Variants in ZBP1 observed in about 807,000 individuals in gnomAD.
ZBP1 encodes the protein Z-DNA binding protein 1.
A neutral mutation model predicts 41.1 loss-of-function variants in ZBP1; 42 were observed. That is an observed-to-expected ratio of 1.02 (90% CI 0.80 to 1.32). The LOEUF is 1.32. Among genes scored for constraint, ZBP1 ranks in the 40% most tolerant of loss-of-function variants. The pLI, the probability that ZBP1 is intolerant of heterozygous loss-of-function variation, is 0.00. For missense variants in ZBP1, 562 were observed against 549.7 expected (o/e 1.02, Z -0.22); for synonymous variants, 214 against 205.2 (o/e 1.04, Z -0.37).
In ZBP1 at chr20:57,616,231, G is replaced by A. The variant is rs748497452; in HGVS notation, c.259+13C>T. The A allele has an allele frequency of 4.4e-5, 71 of 1,613,620 alleles. No homozygotes were observed. Among genetic ancestry groups the A allele is most frequent in the Non-Finnish European group, 5.3e-5 (62 of 1,179,652 alleles). ...CTGCAGGGTCAGACCCGCCTCCCCG[G>A]GGTGGCAGTTACCAGGGCTGGACAA... On this transcript the variant is annotated intron_variant, in intron 2 of 7. Coordinates refer to ENST00000371173, the MANE Select transcript of ZBP1 (RefSeq NM_030776.3).
rs866051649 is a variant in ZBP1 at position 57,620,247 on chromosome 20, G to A, written c.34+15C>T. 4 of 1,584,756 alleles carry A rather than the reference G, an allele frequency of 2.5e-6. No homozygotes were observed. Among genetic ancestry groups the A allele is most frequent in the South Asian group, 1.2e-5 (1 of 86,780 alleles). ...GGGAGCTACCGCTGGTCCTTGGAAG[G>A]AAGAAGTACTGTACCTTCTCTGCCC... On this transcript the variant is annotated intron_variant, in intron 1 of 7. Transcript: ENST00000371173.
chr20:57,616,212 G>C (rs749996874), intron 2 of ZBP1, 32 bp downstream of exon 2: 5 of 1,604,926 alleles, frequency 3.1e-6, no homozygotes, highest in Non-Finnish European at 4.3e-6. Flanking sequence ...CTCCCTGCAG[G>C]GTCAGACCCG....
rs760460815 is a variant in ZBP1 at position 57,616,268 on chromosome 20, C to T, written c.235G>A (p.Ala79Thr). 5.6e-6 allele frequency: 9 copies of T among 1,613,988 alleles called. No homozygotes were observed. In the African/African-American group the frequency reaches 8.0e-5, roughly 14 times the overall value. ...GGTDPEGEGP[A>T]ELALSSPAER... ...CCAGGGCTGGACAAGGCCAGCTCTGCAGGACCCTCGCCTTCAGGATCAGTC... is the reference window on the plus strand; with the variant it reads ...CCAGGGCTGGACAAGGCCAGCTCTGTAGGACCCTCGCCTTCAGGATCAGTC... Residue 79 changes from alanine (A) to threonine (T), a missense_variant, in exon 2 of 8, where the codon GCA becomes ACA. Coordinates refer to ENST00000371173, the MANE Select transcript of ZBP1 (RefSeq NM_030776.3).
intron 3 of ZBP1, 90 bp from the exon 4 acceptor site, chr20:57,615,150 C>A (rs2070783802): frequency 1.4e-6 from 2 of 1,390,382 alleles, no homozygotes; most frequent in South Asian, 1.3e-5. Flanking sequence ...CTGGACCCAG[C>A]CCCTCAAGGC....
rs369785198 is a variant in ZBP1 at position 57,614,972 on chromosome 20, A to C, written c.417T>G (p.Asp139Glu). ...AQALGMRTAK[D>E]VNRDLYRMKS... The stretch of plus-strand genomic sequence containing the variant: ...TCATCCTGTACAAGTCTCGGTTCAC[A>C]TCTTTTGCTGTCCTCATTCCCAGTG... The change falls in exon 4 of 8, where the codon GAT (aspartate) becomes GAG (glutamate). Residue 139 changes from aspartate to glutamate, a missense_variant. Transcript: ENST00000371173. The C allele has an allele frequency of 1.2e-6, 2 of 1,614,166 alleles. No homozygotes were observed. The highest frequency in any genetic ancestry group is 1.7e-6 in the Non-Finnish European group (2 of 1,180,020).
intron 7 of ZBP1, chr20:57,607,017 T>C (rs2070515126): frequency 7.9e-7 from 1 of 1,273,382 alleles, no homozygotes; most frequent in Non-Finnish European, 1.0e-6. Context: ...ACAGCATCCA[T>C]TCTGCAGCCC....
At chr20:57,609,501 C>T (rs1180735000) in intron 7 of ZBP1, among the ~76,000 whole-genome samples, 3 of 151,872 alleles carry the variant, frequency 2.0e-5, no homozygotes, top group South Asian at 2.1e-4. Context: ...TGGGCTTGGT[C>T]AAAGACAACA....
At chr20:57,605,314 A>G (rs1031145913) in intron 7 of ZBP1, among the ~76,000 whole-genome samples, 3 of 152,172 alleles carry the variant, frequency 2.0e-5, no homozygotes, top group Non-Finnish European at 4.4e-5. Context: ...ACCCTGTGTG[A>G]AGCGAGTCTA....
At chr20:57,617,077 C>A in intron 1 of ZBP1, 1 of 157,016 alleles carries the variant, frequency 6.4e-6, no homozygotes, top group Non-Finnish European at 1.4e-5. Flanking sequence ...CTCTTTTCTG[C>A]CAGCACCACC....
At position 57,610,381 on chromosome 20, in the gene ZBP1, GGA is replaced by G; in HGVS notation, c.875-16_875-15del. ...CAGTGGCAGAGACTGTGGGTCAAAG[GGA>G]GAGAGGCCTGGAGCCAGGAGCAGCT... On this transcript the variant is annotated splice_polypyrimidine_tract_variant and intron_variant, in intron 6 of 7. Coordinates refer to ENST00000371173, the MANE Select transcript of ZBP1 (RefSeq NM_030776.3). This position sits in a 1 kb window ranked among gnomAD's most constrained non-coding sequence, Gnocchi z 5.5. The G allele has an allele frequency of 1.2e-6, 2 of 1,613,800 alleles. No homozygotes were observed.
In ZBP1 at chr20:57,610,153, G is replaced by C; in HGVS notation, c.1089C>G (p.Asp363Glu). 2 of 1,613,484 alleles carry C rather than the reference G, an allele frequency of 1.2e-6. No homozygotes were observed. Among genetic ancestry groups the C allele is most frequent in the Non-Finnish European group, 1.7e-6 (2 of 1,179,880 alleles). Residue 363 changes from aspartate to glutamate, a missense_variant, in exon 7 of 8, where the codon GAC becomes GAG. Physicochemically the swap from Asp to Glu is conservative, Grantham distance 45. Coordinates refer to ENST00000371173, the MANE Select transcript of ZBP1 (RefSeq NM_030776.3). The surrounding 1 kb of genome is among the most constrained non-coding windows in gnomAD (Gnocchi z 5.5). Reference protein sequence around the residue: ...AGSGEGEPGEDAGRRPADTQS... With the variant: ...AGSGEGEPGEEAGRRPADTQS... The stretch of plus-strand genomic sequence containing the variant: ...CCACTCTGCCCCCTAGCTCACCTGC[G>C]TCCTCCCCTGGCTCCCCCTCTCCAG...
chr20:57,608,070 G>T (rs901493961), intron 7 of ZBP1, among the ~76,000 whole-genome samples: 6 of 152,120 alleles, frequency 3.9e-5, no homozygotes, highest in Admixed American at 2.6e-4. Flanking sequence ...CAGCTCTTCT[G>T]CTAGAACCTT....
Position 57,604,669 on chromosome 20 carries a change from A to T in ZBP1, c.1194T>A (p.Thr398=). Residue 398 remains threonine, a synonymous_variant, in exon 8 of 8, where the codon ACT becomes ACA. Transcript: ENST00000371173. ...TGTGACTCCTGTTTCCAAGAGTCATAGTTTCCAGCTTGGGGGTGAGCTTCG... is the reference window on the plus strand; with the variant it reads ...TGTGACTCCTGTTTCCAAGAGTCATTGTTTCCAGCTTGGGGGTGAGCTTCG... ...SHSKLTPKLE[T]MTLGNRSHKA... is the part of the protein sequence containing the mutation. The T allele has an allele frequency of 1.2e-6, 2 of 1,614,134 alleles. No homozygotes were observed. Among genetic ancestry groups the T allele is most frequent in the African/African-American group, 2.7e-5 (2 of 75,026 alleles).
intron 3 of ZBP1, 108 bp from the exon 4 acceptor site, chr20:57,615,168 C>T: frequency 8.9e-6 from 11 of 1,241,730 alleles, no homozygotes; most frequent in Non-Finnish European, 1.3e-5. Flanking sequence ...GGCCTGGTTT[C>T]CTCATCTGTA....
At chr20:57,618,449 C>T (rs1033985613) in intron 1 of ZBP1, among the ~76,000 whole-genome samples, 2 of 152,096 alleles carry the variant, frequency 1.3e-5, no homozygotes, top group Admixed American at 1.3e-4. Context: ...ACCGGCTTGC[C>T]GTGTGCAGGT....
chr20:57,614,116 C>A (rs1254919885), intron 4 of ZBP1, among the ~76,000 whole-genome samples: 1 of 152,136 alleles, frequency 6.6e-6, no homozygotes, highest in Non-Finnish European at 1.5e-5. Context: ...CTCAGTGCAA[C>A]CTCTGCCTCC....
At position 57,613,071 on chromosome 20, in the gene ZBP1, C is replaced by A; in HGVS notation, c.670+92G>T. ...CCTTTCCCCTTGGAGGGCAGAATCC[C>A]CCCACTCCCCATCCCTACCCTTTGC... On this transcript the variant is annotated intron_variant, in intron 5 of 7. Coordinates refer to ENST00000371173, the MANE Select transcript of ZBP1 (RefSeq NM_030776.3). The surrounding 1 kb of genome is among the most constrained non-coding windows in gnomAD (Gnocchi z 4.5). 1 of 1,565,608 alleles carries A rather than the reference C, an allele frequency of 6.4e-7. No individual in the cohort carries two copies. Among genetic ancestry groups the A allele is most frequent in the African/African-American group, 1.4e-5 (1 of 73,684 alleles).
chr20:57,620,369 G>T lies in ZBP1; in HGVS notation c.-74C>A. Reference sequence around the variant, plus strand: ...TTCTGCACTGTGGCCCTGAGAGGGTGGGCTAGGTCGAGGCTGGGGCTTCTG... The same window carrying T: ...TTCTGCACTGTGGCCCTGAGAGGGTTGGCTAGGTCGAGGCTGGGGCTTCTG... On this transcript the variant is annotated 5_prime_UTR_variant, in exon 1 of 8. Transcript: ENST00000371173. 3 of 1,524,358 alleles carry T rather than the reference G, an allele frequency of 2.0e-6. No individual in the cohort carries two copies. Among genetic ancestry groups the T allele is most frequent in the East Asian group, 2.4e-5 (1 of 40,826 alleles). 94.4% of individuals were successfully genotyped at this position (1,524,358 alleles called of 1,614,324 possible). A position where few individuals can be genotyped will look rare whatever the true frequency, so the allele number is the denominator to read the frequency against.
In ZBP1 at chr20:57,618,906, C is replaced by T. The variant is rs1023008378; in HGVS notation, c.34+1356G>A. 2.0e-5 allele frequency among the ~76,000 whole-genome samples: 3 copies of T among 152,158 alleles called. No individual in the cohort carries two copies. The South Asian group carries it at 6.2e-4, about 31-fold the overall frequency. ...GCAGTTTTGATTCTGGAAGGCTGAC[C>T]TTAGGGAGCCACTGCCTCGGCTCCA... On this transcript the variant is annotated intron_variant, in intron 1 of 7. Transcript: ENST00000371173.
Sources: gnomAD v4.1 joint callset for allele counts (sites outside exome capture counted in the v4.1 genomes callset) on GRCh38, gnomAD v4.1.1 for gene constraint, Gnocchi (gnomAD v3.1) non-coding constraint, MANE v1.5 for transcripts, NCBI Gene and HGNC (gene_info 2026-07-23, HGNC 2026-07-21) for gene names.